SH3KBP1: variants seen among roughly 807,000 people sequenced by gnomAD.
SH3KBP1 encodes the protein SH3 domain-containing kinase-binding protein 1.
In SH3KBP1, 8 loss-of-function variants were observed where a neutral mutation model predicts 50.1. The observed-to-expected ratio is 0.16, with a 90% confidence interval of 0.09 to 0.29. SH3KBP1 has a LOEUF of 0.29. Among genes scored for constraint, SH3KBP1 ranks in the 10% least tolerant of loss-of-function variants. The pLI, the probability that SH3KBP1 is intolerant of heterozygous loss-of-function variation, is 1.00. For synonymous variants in SH3KBP1, 227 were observed against 218.6 expected (o/e 1.04, Z -0.34); for missense variants, 377 against 535.2 (o/e 0.70, Z 2.92).
chrX:19,619,468 T>C (rs533700918), intron 8 of SH3KBP1, among the ~76,000 whole-genome samples: 4 of 112,125 alleles, frequency 3.6e-5, no homozygotes, highest in African/African-American at 9.7e-5. Flanking sequence ...CACTTTTACA[T>C]TTTTTTCCTG....
chrX:19,669,366 G>C (rs1171484657), intron 6 of SH3KBP1, among the ~76,000 whole-genome samples: 1 of 107,862 alleles, frequency 9.3e-6, no homozygotes, highest in African/African-American at 3.4e-5. Context: ...AATGAGAGAA[G>C]TAACAGAGCT....
intron 1 of SH3KBP1, among the ~76,000 whole-genome samples, chrX:19,853,833 G>T (rs1240300090): frequency 9.1e-6 from 1 of 109,753 alleles, no homozygotes; most frequent in Non-Finnish European, 1.9e-5. Flanking sequence ...GTGGTGGTGG[G>T]CGCCTGTAGT....
At position 19,545,977 on chromosome X, in the gene SH3KBP1, G is replaced by A. The variant is rs901718323; in HGVS notation, c.1568C>T (p.Ala523Val). The A allele has an allele frequency of 1.5e-5, 18 of 1,210,646 alleles. No individual in the cohort carries two copies. Among genetic ancestry groups the A allele is most frequent in the Middle Eastern group, 2.3e-4 (1 of 4,352 alleles). The change falls in exon 15 of 18, where the codon GCG (alanine) becomes GTG (valine). Residue 523 changes from alanine to valine, a missense_variant. By Grantham distance (64) the Ala-to-Val change is moderately conservative. Around this residue, in one of 3 missense-constraint regions of SH3KBP1, gnomAD observed 110 missense variants for 124.1 expected, o/e 0.89. Transcript: ENST00000397821. ...EEDKEEHISL[A>V]HRGVDASKKT... ...CTTTGACGCGTCCACTCCTCTGTGC[G>A]CAAGTGAAATGTGTTCCTCCTTATC...
At chrX:19,857,330 G>T (rs749002873) in intron 1 of SH3KBP1, among the ~76,000 whole-genome samples, 25 of 110,662 alleles carry the variant, frequency 2.3e-4, no homozygotes, top group African/African-American at 7.9e-4. Context: ...GGCTGCAGGT[G>T]GCAGGAACAC....
chrX:19,752,970 G>A (rs757335794), intron 2 of SH3KBP1, among the ~76,000 whole-genome samples: 1 of 111,624 alleles, frequency 9.0e-6, no homozygotes, highest in Non-Finnish European at 1.9e-5. Flanking sequence ...CAGATGAATG[G>A]ATCTGTTCCC....
At chrX:19,642,047 G>A (rs766485975) in intron 7 of SH3KBP1, among the ~76,000 whole-genome samples, 1 of 110,827 alleles carries the variant, frequency 9.0e-6, no homozygotes, top group South Asian at 3.9e-4. Flanking sequence ...TCACTGTGTT[G>A]TCCAGGCTGG....
At chrX:19,653,572 G>A (rs1009734655) in intron 6 of SH3KBP1, among the ~76,000 whole-genome samples, 4 of 109,706 alleles carry the variant, frequency 3.6e-5, no homozygotes, top group Admixed American at 2.0e-4. Flanking sequence ...TTAGCTGGGC[G>A]TGGTGTTGTG....
Position 19,646,177 on chromosome X carries a change from C to T in SH3KBP1, c.727-702G>A, listed in dbSNP as rs765004076. ...AAAATCCAGCGCCTCAGACCCTATG[C>T]TTCCACTGACTAGTTCAAAAAAAGA... is the stretch of plus-strand genomic sequence containing the variant. On this transcript the variant is annotated intron_variant, in intron 6 of 17. Coordinates refer to ENST00000397821, the MANE Select transcript of SH3KBP1 (RefSeq NM_031892.3). 1.7e-4 allele frequency among the ~76,000 whole-genome samples: 19 copies of T among 112,130 alleles called. No homozygotes were observed. The South Asian group carries it at 7.0e-3, about 41-fold the overall frequency.
At chrX:19,873,313 C>T (rs767851853) in intron 1 of SH3KBP1, among the ~76,000 whole-genome samples, 42 of 88,135 alleles carry the variant, frequency 4.8e-4, no homozygotes, top group African/African-American at 1.7e-3. Context: ...TATATATATA[C>T]ATATACATAT....
chrX:19,557,568 C>A (rs1448889779), intron 13 of SH3KBP1, among the ~76,000 whole-genome samples: 1 of 112,056 alleles, frequency 8.9e-6, no homozygotes, highest in Non-Finnish European at 1.9e-5. Flanking sequence ...TAGCCACCAG[C>A]CCCACGTGGC....
chrX:19,864,869 C>T (rs924984351), intron 1 of SH3KBP1, among the ~76,000 whole-genome samples: 6 of 112,111 alleles, frequency 5.4e-5, no homozygotes, highest in East Asian at 5.6e-4. Flanking sequence ...ACTCTCTATG[C>T]GGAGCCCACA....
intron 9 of SH3KBP1, among the ~76,000 whole-genome samples, chrX:19,606,122 T>G (rs1180102478): frequency 8.9e-6 from 1 of 112,245 alleles, no homozygotes. Context: ...TGTGAGGCAT[T>G]TACCAACTAC....
Position 19,573,120 on chromosome X carries a change from T to A in SH3KBP1, c.1299-3932A>T, listed in dbSNP as rs189979596. Among the ~76,000 whole-genome samples, 761 of 111,748 alleles carry A rather than the reference T, an allele frequency of 6.8e-3. 11 individuals are homozygous for A. The highest frequency in any genetic ancestry group is 0.023 in the African/African-American group (711 of 30,733). ...CAATAAATGCACTTTTCCCTCAATA[T>A]CTGAAGTTGTATGCTGTTCAGTATG... On this transcript the variant is annotated intron_variant, in intron 12 of 17. Coordinates refer to ENST00000397821, the MANE Select transcript of SH3KBP1 (RefSeq NM_031892.3).
intron 8 of SH3KBP1, among the ~76,000 whole-genome samples, chrX:19,620,265 A>G (rs2067766363): frequency 8.9e-6 from 1 of 112,214 alleles, no homozygotes. Context: ...GGTATTCTTC[A>G]TTCCACAGAT....
At chrX:19,595,872 C>T (rs907589394) in intron 9 of SH3KBP1, among the ~76,000 whole-genome samples, 5 of 111,609 alleles carry the variant, frequency 4.5e-5, no homozygotes, top group African/African-American at 1.6e-4. Flanking sequence ...TGTGCGCACA[C>T]GTGTGTGTGT....
chrX:19,696,094 A>G (rs1438799564), intron 4 of SH3KBP1, among the ~76,000 whole-genome samples: 2 of 112,077 alleles, frequency 1.8e-5, no homozygotes, highest in South Asian at 7.4e-4. Flanking sequence ...AGATATTTTC[A>G]TATCACATCA....
At chrX:19,606,461 T>A (rs1279263933) in intron 9 of SH3KBP1, among the ~76,000 whole-genome samples, 1 of 112,874 alleles carries the variant, frequency 8.9e-6, no homozygotes, top group Non-Finnish European at 1.9e-5. Context: ...ACTGATTTTG[T>A]CAAATGACAA....
chrX:19,668,963 TA>T (rs1569404944), intron 6 of SH3KBP1, among the ~76,000 whole-genome samples: 2,421 of 53,783 alleles, frequency 0.045, 162 homozygotes, highest in African/African-American at 0.22. Flanking sequence ...TATATATATA[TA>T]TATATATATA....
intron 8 of SH3KBP1, among the ~76,000 whole-genome samples, chrX:19,611,082 C>T (rs755654901): frequency 9.1e-6 from 1 of 110,275 alleles, no homozygotes; most frequent in Non-Finnish European, 1.9e-5. Context: ...GATGGGGTTT[C>T]GCCGTGCTGC....
Sources: gnomAD v4.1 joint callset for allele counts (sites outside exome capture counted in the v4.1 genomes callset) on GRCh38, gnomAD v4.1.1 for gene constraint, gnomAD v4.1.1 regional missense constraint, MANE v1.5 for transcripts, NCBI Gene and HGNC (gene_info 2026-07-23, HGNC 2026-07-21) for gene names.